Variants in ICA1 observed in about 807,000 individuals in gnomAD.
ICA1 encodes islet cell autoantigen 1.
A neutral mutation model predicts 71.0 loss-of-function variants in ICA1; 40 were observed. The ratio of observed to expected loss-of-function variants is 0.56; its 90% CI spans 0.44 to 0.73. The LOEUF (loss-of-function observed/expected upper bound fraction) is 0.73. Ranked by LOEUF, ICA1 falls within the 30% of genes least tolerant of loss-of-function variation. The pLI, the probability that ICA1 is intolerant of heterozygous loss-of-function variation, is 0.00. For missense variants in ICA1, 578 were observed against 576.5 expected, an observed-to-expected ratio of 1.00 and a Z score of -0.03; for synonymous variants, 207 against 209.5, an observed-to-expected ratio of 0.99 and a Z score of 0.10.
rs2128134365 is a variant in ICA1, at chr7:8,144,637, A to AG, written c.805-666dup. On this transcript the variant is annotated intron_variant, in intron 8 of 13. Transcript: ENST00000402384. This position sits in a 1 kb window ranked among gnomAD's most constrained non-coding sequence, Gnocchi z 4.5. ...ATTTTCAAGGTTAACTAAATATTTA[A>AG]GTTTTTTTTTTTAAACAGCAAGTGC... 2.3e-5 allele frequency among the ~76,000 whole-genome samples: 1 copy of AG among 43,634 alleles called. No homozygotes were observed. Among genetic ancestry groups the AG allele is most frequent in the African/African-American group, 4.6e-5 (1 of 21,976 alleles). 28.6% of individuals were successfully genotyped at this position (43,634 alleles called of 152,430 possible).
At chr7:8,220,759 C>T (rs2128421067) in intron 5 of ICA1, among the ~76,000 whole-genome samples, 1 of 152,238 alleles carries the variant, frequency 6.6e-6, no homozygotes, top group Admixed American at 6.5e-5. Context: ...GATGTGGATC[C>T]TGCATGTCTG....
chr7:8,136,966 AT>A (rs2128107711), intron 12 of ICA1, among the ~76,000 whole-genome samples: 1 of 152,288 alleles, frequency 6.6e-6, no homozygotes, highest in East Asian at 1.9e-4. Context: ...TTCTGATTTA[AT>A]TCTGTGAAAA....
In ICA1 at chr7:8,138,822, G is replaced by T. The variant is rs780376582; in HGVS notation, c.1060+18C>A. On this transcript the variant is annotated intron_variant, in intron 12 of 13. Transcript: ENST00000402384. Reference sequence around the variant, plus strand: ...AAATCAAACAAATCATAATCCCAAAGAAACACATAAATCTTACCACCTTCC... The same window carrying T: ...AAATCAAACAAATCATAATCCCAAATAAACACATAAATCTTACCACCTTCC... 4.5e-6 allele frequency: 7 copies of T among 1,556,368 alleles called. No individual in the cohort carries two copies. The highest frequency in any genetic ancestry group is 2.3e-5 in the South Asian group (2 of 87,898).
chr7:8,119,179 T>G (rs1428111344), intron 13 of ICA1, among the ~76,000 whole-genome samples: 1 of 152,210 alleles, frequency 6.6e-6, no homozygotes, highest in African/African-American at 2.4e-5. Flanking sequence ...TTTATGCTCT[T>G]CGATCCTATG....
At position 8,236,437 on chromosome 7, in the gene ICA1, C is replaced by T. The variant is rs1801869268; in HGVS notation, c.-79-432G>A. Among the ~76,000 whole-genome samples, 5 of 152,176 alleles carry T rather than the reference C, an allele frequency of 3.3e-5. No homozygotes were observed. The South Asian group carries it at 1.0e-3, about 31-fold the overall frequency. Reference sequence around the variant, plus strand: ...GTGATGTGAGAGAGATATACAGCAGCTTCAAGTGCACACATAGTGTTCTCT... The same window carrying T: ...GTGATGTGAGAGAGATATACAGCAGTTTCAAGTGCACACATAGTGTTCTCT... On this transcript the variant is annotated intron_variant, in intron 1 of 13. Coordinates refer to ENST00000402384, the MANE Select transcript of ICA1 (RefSeq NM_001136020.3).
At chr7:8,122,748 T>C (rs1397194355) in intron 13 of ICA1, among the ~76,000 whole-genome samples, 1 of 152,240 alleles carries the variant, frequency 6.6e-6, no homozygotes, top group African/African-American at 2.4e-5. Context: ...GAAATCCATC[T>C]AAATGGCAAC....
At position 8,132,734 on chromosome 7, in the gene ICA1, C is replaced by A. The variant is rs894693234; in HGVS notation, c.1061-4592G>T. On this transcript the variant is annotated intron_variant, in intron 12 of 13. Coordinates refer to ENST00000402384, the MANE Select transcript of ICA1 (RefSeq NM_001136020.3). The surrounding 1 kb of genome is among the most constrained non-coding windows in gnomAD (Gnocchi z 4.5). ...TAAGGTTTCATCCCAAACCATCATA[C>A]CTTCCCTACATTCTCTATAGAAGAT... is the stretch of plus-strand genomic sequence containing the variant. 6.6e-6 allele frequency among the ~76,000 whole-genome samples: 1 copy of A among 152,332 alleles called. No homozygotes were observed.
chr7:8,172,066 C>G (rs1808566065), intron 6 of ICA1, among the ~76,000 whole-genome samples: 2 of 152,102 alleles, frequency 1.3e-5, no homozygotes, highest in African/African-American at 2.4e-5. Context: ...TTGAAAAGAA[C>G]ATATACTGTG....
At chr7:8,181,170 G>C (rs1187358501) in intron 6 of ICA1, among the ~76,000 whole-genome samples, 1 of 152,082 alleles carries the variant, frequency 6.6e-6, no homozygotes, top group Non-Finnish European at 1.5e-5. Context: ...ATATGAAATA[G>C]GGGTCGGGTT....
At chr7:8,174,994 A>T (rs1245808881) in intron 6 of ICA1, among the ~76,000 whole-genome samples, 2 of 152,176 alleles carry the variant, frequency 1.3e-5, no homozygotes. Flanking sequence ...GGGTGGTTAA[A>T]CAGGGCCTTG....
At chr7:8,205,052 C>A (rs1206095869) in intron 6 of ICA1, among the ~76,000 whole-genome samples, 1 of 117,840 alleles carries the variant, frequency 8.5e-6, no homozygotes, top group Non-Finnish European at 1.7e-5. Flanking sequence ...TTAGCTGTTG[C>A]TTTTTATTTT....
chr7:8,168,471 T>C (rs749503322), intron 6 of ICA1, among the ~76,000 whole-genome samples: 1 of 152,148 alleles, frequency 6.6e-6, no homozygotes, highest in Non-Finnish European at 1.5e-5. Flanking sequence ...TAATCCATGC[T>C]CTTTAAACCA....
rs1001677903 is a variant in ICA1, at chr7:8,234,962, G to A, written c.17+948C>T. On this transcript the variant is annotated intron_variant, in intron 2 of 13. Coordinates refer to ENST00000402384, the MANE Select transcript of ICA1 (RefSeq NM_001136020.3). This position sits in a 1 kb window ranked among gnomAD's most constrained non-coding sequence, Gnocchi z 4.5. ...GGGCAGATCATGAGGTCAAGAGATCGAGACCATCCTGGCCAACATGGTGAA... is the reference window on the plus strand; with the variant it reads ...GGGCAGATCATGAGGTCAAGAGATCAAGACCATCCTGGCCAACATGGTGAA... Among the ~76,000 whole-genome samples, 6 of 151,978 alleles carry A rather than the reference G, an allele frequency of 3.9e-5. No individual in the cohort carries two copies. Among genetic ancestry groups the A allele is most frequent in the Non-Finnish European group, 7.4e-5 (5 of 67,998 alleles).
At chr7:8,203,997 G>A (rs1790627337) in intron 6 of ICA1, among the ~76,000 whole-genome samples, 1 of 151,812 alleles carries the variant, frequency 6.6e-6, no homozygotes, top group Admixed American at 6.6e-5. Context: ...GAATAAGGTA[G>A]AACAGAAATG....
At chr7:8,237,835 C>A (rs191071389) in intron 1 of ICA1, among the ~76,000 whole-genome samples, 196 of 151,850 alleles carry the variant, frequency 1.3e-3, no homozygotes, top group African/African-American at 4.5e-3. Context: ...CACACACACA[C>A]ACACACACAC....
At position 8,122,743 on chromosome 7, in the gene ICA1, C is replaced by T. The variant is rs148587926; in HGVS notation, c.1330+5130G>A. Among the ~76,000 whole-genome samples, 1,275 of 152,316 alleles carry T rather than the reference C, an allele frequency of 8.4e-3. 13 individuals are homozygous for T. The highest frequency in any genetic ancestry group is 0.017 in the Middle Eastern group (5 of 294). ...CATTATATTAGCCTTAAGTGGAAATCCATCTAAATGGCAACGGCATCTCAG... is the reference window on the plus strand; with the variant it reads ...CATTATATTAGCCTTAAGTGGAAATTCATCTAAATGGCAACGGCATCTCAG... On this transcript the variant is annotated intron_variant, in intron 13 of 13. Transcript: ENST00000402384.
At chr7:8,244,269 C>A (rs974912074) in intron 1 of ICA1, among the ~76,000 whole-genome samples, 1 of 152,198 alleles carries the variant, frequency 6.6e-6, no homozygotes, top group Non-Finnish European at 1.5e-5. Flanking sequence ...CTACAGCTAT[C>A]TGATCTTTGA....
chr7:8,188,241 G>A (rs1184845415), intron 6 of ICA1, among the ~76,000 whole-genome samples: 2 of 152,178 alleles, frequency 1.3e-5, no homozygotes, highest in Non-Finnish European at 2.9e-5. Flanking sequence ...GAGAGTACAG[G>A]AAAGTTATAT....
chr7:8,160,827 C>T (rs1803493153), intron 6 of ICA1, among the ~76,000 whole-genome samples: 1 of 152,200 alleles, frequency 6.6e-6, no homozygotes, highest in Admixed American at 6.5e-5. Flanking sequence ...CCTGGGAGCT[C>T]TGACTATAAA....
Sources: allele counts gnomAD v4.1 joint callset (sites outside exome capture counted in the v4.1 genomes callset), GRCh38; gene constraint gnomAD v4.1.1; non-coding constraint Gnocchi (gnomAD v3.1); transcripts MANE v1.5; gene names NCBI Gene and HGNC (gene_info 2026-07-23, HGNC 2026-07-21).